The following ANKFN1 variants were observed in gnomAD, a reference collection of about 807,000 sequenced individuals.
ANKFN1 encodes ankyrin repeat and fibronectin type-III domain-containing protein 1.
ANKFN1 carries 74 observed loss-of-function variants against 108.7 expected under a neutral mutation model. The ratio of observed to expected loss-of-function variants is 0.68; its 90% CI spans 0.56 to 0.83. ANKFN1 has a LOEUF of 0.83. Among genes scored for constraint, ANKFN1 ranks in the 40% least tolerant of loss-of-function variants. ANKFN1 has a pLI of 0.00. For missense variants in ANKFN1, 1,505 were observed against 1,382.3 expected (o/e 1.09, Z -1.41); for synonymous variants, 547 against 516.2 (o/e 1.06, Z -0.81).
Position 56,384,598 on chromosome 17 carries a change from C to T in ANKFN1, c.910+9884C>T, listed in dbSNP as rs764736545. 8.6e-5 allele frequency among the ~76,000 whole-genome samples: 13 copies of T among 151,866 alleles called. No individual in the cohort carries two copies. In the South Asian group the frequency reaches 1.5e-3, roughly 17 times the overall value. ...AAACCCCATTGTCTCAGCCCAAAAT[C>T]TCAGGGCTGCAACTTCAGCAAAGTC... On this transcript the variant is annotated intron_variant, in intron 8 of 20. Transcript: ENST00000682825.
At chr17:56,106,450 C>T (rs1905752980) in intron 4 of ANKFN1, among the ~76,000 whole-genome samples, 1 of 152,190 alleles carries the variant, frequency 6.6e-6, no homozygotes, top group Non-Finnish European at 1.5e-5. Flanking sequence ...AAAACAGAGA[C>T]CTCAGAACTG....
chr17:56,481,489 A>AACACACAC (rs57493335), intron 17 of ANKFN1, among the ~76,000 whole-genome samples: 8 of 148,954 alleles, frequency 5.4e-5, no homozygotes, highest in African/African-American at 1.5e-4. Flanking sequence ...CCCTCCCCAA[A>AACACACAC]ACACACACAC....
At chr17:56,391,368 ATGTGTGTGTG>A (rs199687714) in intron 8 of ANKFN1, among the ~76,000 whole-genome samples, 7,335 of 128,628 alleles carry the variant, frequency 0.057, 303 homozygotes, top group East Asian at 0.15. Flanking sequence ...ACATATATAT[ATGTGTGTGTG>A]TGTGTGTGTG....
intron 4 of ANKFN1, among the ~76,000 whole-genome samples, chr17:56,108,758 A>G (rs552416067): frequency 1.3e-5 from 2 of 152,344 alleles, no homozygotes; most frequent in Non-Finnish European, 2.9e-5. Context: ...AAGGTTTTTT[A>G]TTTTGTATGT....
intron 3 of ANKFN1, among the ~76,000 whole-genome samples, chr17:56,263,730 G>A (rs2043577894): frequency 6.6e-6 from 1 of 152,164 alleles, no homozygotes; most frequent in African/African-American, 2.4e-5. Context: ...AATAACAGAG[G>A]GGAGAGAAAG....
At chr17:56,424,367 A>T (rs1019432198) in intron 8 of ANKFN1, among the ~76,000 whole-genome samples, 8 of 152,194 alleles carry the variant, frequency 5.3e-5, no homozygotes, top group African/African-American at 1.9e-4. Context: ...ACCCAGACAG[A>T]CCTGGGTTCA....
chr17:56,110,143 C>T (rs922717280), intron 4 of ANKFN1, among the ~76,000 whole-genome samples: 1 of 152,146 alleles, frequency 6.6e-6, no homozygotes, highest in Non-Finnish European at 1.5e-5. Context: ...CCGACTGAGC[C>T]CTGCCTGAAA....
At chr17:56,333,240 T>C (rs540726812) in intron 4 of ANKFN1, among the ~76,000 whole-genome samples, 3 of 152,228 alleles carry the variant, frequency 2.0e-5, no homozygotes, top group South Asian at 4.1e-4. Context: ...GCCTTGTTTC[T>C]GATCTTAGAT....
chr17:56,167,253 A>ATG (rs1039174562), intron 1 of ANKFN1, among the ~76,000 whole-genome samples: 48 of 108,376 alleles, frequency 4.4e-4, no homozygotes, highest in African/African-American at 1.1e-3. Context: ...GTATATATGT[A>ATG]TGTGTGTGTA....
chr17:56,439,661 G>C (rs1259694434), intron 8 of ANKFN1, among the ~76,000 whole-genome samples: 1 of 152,146 alleles, frequency 6.6e-6, no homozygotes, highest in African/African-American at 2.4e-5. Flanking sequence ...AGTATATAAG[G>C]CATTAGGGGA....
chr17:56,492,690 A>G (rs942265464), intron 19 of ANKFN1, among the ~76,000 whole-genome samples: 3 of 152,170 alleles, frequency 2.0e-5, no homozygotes, highest in African/African-American at 7.2e-5. Flanking sequence ...ATTCTAATGG[A>G]AAGAAAAATT....
intron 2 of ANKFN1, 31 bp from the exon 3 acceptor site, chr17:56,227,886 T>C (rs780410698): frequency 6.3e-7 from 1 of 1,585,816 alleles, no homozygotes; most frequent in South Asian, 1.2e-5. Context: ...GTACAATTTT[T>C]TAACATTCTT....
intron 6 of ANKFN1, among the ~76,000 whole-genome samples, chr17:56,357,398 A>G (rs1475176190): frequency 6.6e-6 from 1 of 152,224 alleles, no homozygotes; most frequent in Non-Finnish European, 1.5e-5. Context: ...ATGAATAAGG[A>G]TGCCAGGGAC....
At chr17:56,324,583 C>G (rs1278251974) in intron 3 of ANKFN1, among the ~76,000 whole-genome samples, 1 of 152,130 alleles carries the variant, frequency 6.6e-6, no homozygotes, top group East Asian at 1.9e-4. Flanking sequence ...CAAAATTTTT[C>G]TAGATGAAAG....
chr17:56,274,462 G>C (rs1256649489), intron 3 of ANKFN1, among the ~76,000 whole-genome samples: 1 of 152,100 alleles, frequency 6.6e-6, no homozygotes, highest in African/African-American at 2.4e-5. Flanking sequence ...GACAGCGCGA[G>C]ACTCCGCCTC....
chr17:56,079,967 GGAAA>G (rs1905226272), intron 4 of ANKFN1, among the ~76,000 whole-genome samples: 2 of 152,122 alleles, frequency 1.3e-5, no homozygotes, highest in South Asian at 4.1e-4. Flanking sequence ...GTAACTCAGA[GGAAA>G]GGAACAGTTG....
intron 8 of ANKFN1, among the ~76,000 whole-genome samples, chr17:56,428,024 A>G (rs2145095156): frequency 6.6e-6 from 1 of 152,162 alleles, no homozygotes; most frequent in African/African-American, 2.4e-5. Flanking sequence ...CCTGAGATCA[A>G]GAGTTCAAGA....
chr17:56,167,261 GTATATA>G (rs1431986196), intron 1 of ANKFN1, among the ~76,000 whole-genome samples: 1 of 74,720 alleles, frequency 1.3e-5, no homozygotes, highest in African/African-American at 4.4e-5. Context: ...GTATGTGTGT[GTATATA>G]TATATACATA....
chr17:56,449,831 T>C (rs2049423370), intron 11 of ANKFN1, among the ~76,000 whole-genome samples: 1 of 152,184 alleles, frequency 6.6e-6, no homozygotes, highest in Non-Finnish European at 1.5e-5. Context: ...CACTGAACTG[T>C]AACCTCATCC....
Sources: allele counts gnomAD v4.1 joint callset (sites outside exome capture counted in the v4.1 genomes callset), GRCh38; gene constraint gnomAD v4.1.1; transcripts MANE v1.5; gene names NCBI Gene and HGNC (gene_info 2026-07-23, HGNC 2026-07-21).